RPL4: variants seen among roughly 807,000 people sequenced by gnomAD.
The protein encoded by RPL4 is ribosomal protein L4.
Under a neutral mutation model 47.7 loss-of-function variants are expected in RPL4, and 3 were observed. That is an observed-to-expected ratio of 0.06 (90% CI 0.03 to 0.16). The LOEUF (loss-of-function observed/expected upper bound fraction) is 0.16. RPL4 is among the 10% of genes least tolerant of loss of function. The pLI, the probability that RPL4 is intolerant of heterozygous loss-of-function variation, is 1.00. For missense variants in RPL4, 413 were observed against 551.3 expected (o/e 0.75, Z 2.51); for synonymous variants, 208 against 182.1 (o/e 1.14, Z -1.15).
intron 3 of RPL4, 80 bp downstream of exon 3, chr15:66,502,978 G>T: frequency 7.2e-7 from 1 of 1,380,810 alleles, no homozygotes; most frequent in Non-Finnish European, 1.0e-6. Flanking sequence ...TTTTTACACC[G>T]TATTATCATC....
chr15:66,503,386 T>C lies in RPL4; in HGVS notation c.147A>G (p.Arg49=). ...FVHTNLRKNN[R]QPYAVSELAG... ...CTAATTCACTGACAGCATAGGGCTG[T>C]CTGTTGTTTTTGCGCAAGTTGGTGT... The change falls in exon 2 of 10, where the codon AGA becomes AGG. Residue 49 remains arginine (R), a synonymous_variant. Transcript: ENST00000307961. 6.2e-7 allele frequency: 1 copy of C among 1,609,806 alleles called. No individual in the cohort carries two copies. The highest frequency in any genetic ancestry group is 8.5e-7 in the Non-Finnish European group (1 of 1,176,278).
chr15:66,499,559 C>A lies in RPL4; in HGVS notation c.1132G>T (p.Val378Leu). Residue 378 changes from valine to leucine, a missense_variant, in exon 10 of 10, where the codon GTA (valine) becomes TTA (leucine). This residue lies in a region of RPL4 where 134 missense variants were observed against 122.7 expected (regional missense o/e 1.09). Transcript: ENST00000307961. The stretch of plus-strand genomic sequence containing the variant: ...GCAGCCTTCTTTCCTTTCTTACCTA[C>A]CACAGGCTTCTTGCCTGCAACCGCC... ...KAAVAGKKPV[V>L]GKKGKKAAVG... is the part of the protein sequence containing the mutation. The A allele has an allele frequency of 6.2e-7, 1 of 1,613,812 alleles. No individual in the cohort carries two copies. The highest frequency in any genetic ancestry group is 8.5e-7 in the Non-Finnish European group (1 of 1,179,872).
chr15:66,500,398 T>C (rs1400910991), intron 7 of RPL4, 22 bp from the exon 8 acceptor site: 7 of 1,602,052 alleles, frequency 4.4e-6, no homozygotes, highest in Admixed American at 3.4e-5. Context: ...AAGATTGACA[T>C]GTACATGTAA....
Position 66,503,497 on chromosome 15 carries a change from G to A in RPL4, c.36C>T (p.Ser12=), listed in dbSNP as rs375611860. 5.4e-5 allele frequency: 87 copies of A among 1,609,518 alleles called. 1 individual carries two copies. In the African/African-American group the frequency reaches 6.5e-4, roughly 12 times the overall value. Residue 12 remains serine, a synonymous_variant, in exon 2 of 10, where the codon TCC becomes TCT. Transcript: ENST00000307961. ...TTTTGCCAGATGACTCCCCCTTTTC[G>A]GAGTACACCGATATCAGTGGGCGAG... The part of the protein sequence containing the change: ...ACARPLISVY[S]EKGESSGKNV...
chr15:66,499,859 C>T (rs1268938432), intron 9 of RPL4, 197 bp downstream of exon 9: 1 of 920,710 alleles, frequency 1.1e-6, no homozygotes, highest in African/African-American at 1.7e-5. Flanking sequence ...CCCGTCTCTA[C>T]TGAAAATACA....
intron 1 of RPL4, 45 bp downstream of exon 1, chr15:66,504,743 G>T (rs771284970): frequency 9.3e-6 from 15 of 1,608,358 alleles, no homozygotes; most frequent in Non-Finnish European, 1.1e-5. Flanking sequence ...TTCCTTACTG[G>T]CCCCGAGATA....
chr15:66,499,941 T>C, intron 9 of RPL4, 115 bp downstream of exon 9: 1 of 1,315,708 alleles, frequency 7.6e-7, no homozygotes. Context: ...AAGAACTGCT[T>C]GAACTTGGTA....
chr15:66,504,376 G>A lies in RPL4; in HGVS notation c.3+412C>T, dbSNP rs181601663. Among the ~76,000 whole-genome samples, 4 of 152,278 alleles carry A rather than the reference G, an allele frequency of 2.6e-5. No homozygotes were observed. The East Asian group carries it at 5.8e-4, about 22-fold the overall frequency. On this transcript the variant is annotated intron_variant, in intron 1 of 9. Transcript: ENST00000307961. ...GAAAAGCAGTACACATATAACACTG[G>A]TCTTATTACGAGTTGGCTAAGGATT...
chr15:66,500,930 G>A lies in RPL4; in HGVS notation c.833+19C>T. On this transcript the variant is annotated intron_variant, in intron 7 of 9. Coordinates refer to ENST00000307961, the MANE Select transcript of RPL4 (RefSeq NM_000968.4). ...TCCACAATATAAACATCTGTGCTTA[G>A]TATATGAAAGATACTTACTTGTAGT... 2 of 1,611,920 alleles carry A rather than the reference G, an allele frequency of 1.2e-6. No individual in the cohort carries two copies. Among genetic ancestry groups the A allele is most frequent in the South Asian group, 1.1e-5 (1 of 90,628 alleles).
In RPL4 at chr15:66,499,057, A is replaced by G. The variant is rs1456421549; in HGVS notation, c.*350T>C. The G allele has an allele frequency of 1.4e-5, 3 of 208,022 alleles. No homozygotes were observed. Among genetic ancestry groups the G allele is most frequent in the South Asian group, 1.6e-4 (2 of 12,708 alleles). The allele number at this position is 208,022 out of a possible 1,614,324, so 12.9% of individuals were successfully genotyped here. ...GTTAAATCTTTACAGAATTTAACCT[A>G]TTTTCCATCTGGTGGGGAGCTAAAC... On this transcript the variant is annotated 3_prime_UTR_variant, in exon 10 of 10. Transcript: ENST00000307961.
At position 66,504,775 on chromosome 15, in the gene RPL4, A is replaced by G. The variant is rs1437094756; in HGVS notation, c.3+13T>C. 6 of 1,611,942 alleles carry G rather than the reference A, an allele frequency of 3.7e-6. No individual in the cohort carries two copies. Among genetic ancestry groups the G allele is most frequent in the Non-Finnish European group, 5.1e-6 (6 of 1,179,320 alleles). On this transcript the variant is annotated intron_variant, in intron 1 of 9. Coordinates refer to ENST00000307961, the MANE Select transcript of RPL4 (RefSeq NM_000968.4). ...GATACGGGGTAAGGCCAGCCAAGAG[A>G]ACTTCCACTCACCATGGCGGAGAGA...
At chr15:66,500,499 T>C (rs993416898) in intron 7 of RPL4, 123 bp from the exon 8 acceptor site, 20 of 852,604 alleles carry the variant, frequency 2.3e-5, no homozygotes, top group South Asian at 1.9e-4. Context: ...TCACTTCTCA[T>C]AAACATGGAC....
intron 1 of RPL4, 30 bp downstream of exon 1, chr15:66,504,758 G>A (rs147274967): frequency 1.9e-6 from 3 of 1,611,176 alleles, no homozygotes; most frequent in South Asian, 1.1e-5. Context: ...GAGATACGGG[G>A]TAAGGCCAGC....
chr15:66,500,825 A>C (rs1893595677), intron 7 of RPL4, 124 bp downstream of exon 7: 1 of 1,196,050 alleles, frequency 8.4e-7, no homozygotes, highest in African/African-American at 1.5e-5. Context: ...GGTGAGTCTC[A>C]TTTTGGCATA....
Position 66,502,190 on chromosome 15 carries a change from G to C in RPL4, c.422-278C>G, listed in dbSNP as rs373594505. The C allele has an allele frequency of 1.3e-5, 7 of 522,160 alleles. 1 individual carries two copies. The highest frequency in any genetic ancestry group is 1.3e-4 in the South Asian group (7 of 55,750). The allele number at this position is 522,160 out of a possible 1,614,324, so 32.3% of individuals were successfully genotyped here. On this transcript the variant is annotated intron_variant, in intron 4 of 9. Coordinates refer to ENST00000307961, the MANE Select transcript of RPL4 (RefSeq NM_000968.4). ...ACTACTTGAATAGTTCCCCAGTTAC[G>C]CTAGTATTCCCTGATTGATTTGTCA...
intron 5 of RPL4, 68 bp downstream of exon 5, chr15:66,501,720 T>G (rs1893619676): frequency 6.3e-7 from 1 of 1,587,184 alleles, no homozygotes; most frequent in Non-Finnish European, 8.5e-7. Context: ...TGCCCTTATC[T>G]TCTGAAATTC....
intron 5 of RPL4, 62 bp downstream of exon 5, chr15:66,501,726 A>C (rs762569172): frequency 2.3e-5 from 37 of 1,589,548 alleles, no homozygotes; most frequent in Non-Finnish European, 2.9e-5. Context: ...TATCTTCTGA[A>C]ATTCAAAGTG....
At chr15:66,500,661 A>AG (rs201359426) in intron 7 of RPL4, 5,838 of 544,110 alleles carry the variant, frequency 0.011, 40 homozygotes, top group Non-Finnish European at 0.014. Flanking sequence ...ACAAGCCTGT[A>AG]GTCCCAGGTA....
rs751612031 is a variant in RPL4 at position 66,501,895 on chromosome 15, C to G, written c.439G>C (p.Val147Leu). 6.2e-7 allele frequency: 1 copy of G among 1,611,840 alleles called. No individual in the cohort carries two copies. Among genetic ancestry groups the G allele is most frequent in the Admixed American group, 1.7e-5 (1 of 59,846 alleles). The change falls in exon 5 of 10, where the codon GTT becomes CTT. Residue 147 changes from valine to leucine, a missense_variant. Transcript: ENST00000307961. ...VMSKGHRIEE[V>L]PELPLVVEDK... ...TCAACTACCAAAGGAAGTTCAGGAA[C>G]TTCCTCAATACGATGACCTAACAAA...
Sources: allele counts gnomAD v4.1 joint callset (sites outside exome capture counted in the v4.1 genomes callset), GRCh38; gene constraint gnomAD v4.1.1; regional missense constraint gnomAD v4.1.1; transcripts MANE v1.5; gene names NCBI Gene and HGNC (gene_info 2026-07-23, HGNC 2026-07-21).